The following DNM3 variants were observed in gnomAD, a reference collection of about 807,000 sequenced individuals.
The protein encoded by DNM3 is dynamin-3.
Under a neutral mutation model 101.6 loss-of-function variants are expected in DNM3, and 47 were observed. The ratio of observed to expected loss-of-function variants is 0.46; its 90% CI spans 0.37 to 0.59. The LOEUF (loss-of-function observed/expected upper bound fraction) is 0.59. Among genes scored for constraint, DNM3 ranks in the 20% least tolerant of loss-of-function variants. The probability of loss-of-function intolerance (pLI) is 0.00; values close to 1 mark genes in which losing one functional copy is unlikely to be tolerated. For synonymous variants in DNM3, 385 were observed against 387.9 expected (o/e 0.99, Z 0.09); for missense variants, 849 against 1,085.7 (o/e 0.78, Z 3.06).
intron 4 of DNM3, among the ~76,000 whole-genome samples, chr1:172,006,671 A>G (rs976391835): frequency 2.6e-5 from 4 of 152,000 alleles, no homozygotes; most frequent in Admixed American, 6.6e-5. Context: ...CCTTGAGGCT[A>G]CCTGAGACAG....
intron 12 of DNM3, among the ~76,000 whole-genome samples, chr1:172,090,244 A>G (rs908140422): frequency 6.6e-6 from 1 of 152,218 alleles, no homozygotes; most frequent in Non-Finnish European, 1.5e-5. Context: ...AGGTGTCATG[A>G]TCTCATTATA....
chr1:172,245,081 G>C (rs1301942212), intron 14 of DNM3, among the ~76,000 whole-genome samples: 1 of 152,124 alleles, frequency 6.6e-6, no homozygotes, highest in Non-Finnish European at 1.5e-5. Flanking sequence ...GGAGGGGGCT[G>C]TTCATATGTT....
intron 4 of DNM3, among the ~76,000 whole-genome samples, chr1:172,018,249 T>C (rs1380271631): frequency 1.3e-5 from 2 of 152,174 alleles, no homozygotes; most frequent in African/African-American, 4.8e-5. Context: ...TTACTACTTC[T>C]ATTTGTTGCC....
intron 2 of DNM3, among the ~76,000 whole-genome samples, chr1:171,938,278 G>A (rs1433232540): frequency 6.6e-6 from 1 of 150,762 alleles, no homozygotes; most frequent in Admixed American, 6.6e-5. Flanking sequence ...TTTTTTGTTT[G>A]TTACATAACC....
chr1:172,351,393 A>G (rs762274383), intron 17 of DNM3, among the ~76,000 whole-genome samples: 7 of 152,290 alleles, frequency 4.6e-5, no homozygotes, highest in Admixed American at 2.0e-4. Flanking sequence ...AATATAATAA[A>G]TACTAGGATT....
intron 4 of DNM3, among the ~76,000 whole-genome samples, chr1:172,023,639 T>G: frequency 6.6e-6 from 1 of 152,142 alleles, no homozygotes; most frequent in African/African-American, 2.4e-5. Flanking sequence ...CCATTTTGTG[T>G]GTATGTGCAT....
At chr1:172,314,503 C>T (rs900315682) in intron 16 of DNM3, among the ~76,000 whole-genome samples, 3 of 152,160 alleles carry the variant, frequency 2.0e-5, no homozygotes, top group South Asian at 2.1e-4. Context: ...GGGTGACAGA[C>T]GGCACCTGGA....
At chr1:171,963,273 A>G (rs994863639) in intron 2 of DNM3, among the ~76,000 whole-genome samples, 6 of 152,204 alleles carry the variant, frequency 3.9e-5, no homozygotes, top group African/African-American at 1.4e-4. Flanking sequence ...AAAGGTATCA[A>G]TCTGAAAAAG....
In DNM3 at chr1:172,408,286, TGCTACTACCTACTCCA is replaced by T; in HGVS notation, c.*446_*461del. Reference sequence around the variant, plus strand: ...CAGTAATTCTGTTGTCTACCATTAATGCTACTACCTACTCCATAATTGCCTATTTAGCTCCTCTTTT... The same window carrying T: ...CAGTAATTCTGTTGTCTACCATTAATTAATTGCCTATTTAGCTCCTCTTTT... On this transcript the variant is annotated 3_prime_UTR_variant, in exon 21 of 21. Transcript: ENST00000627582. 1.0e-6 allele frequency: 1 copy of T among 988,188 alleles called. No homozygotes were observed. Among genetic ancestry groups the T allele is most frequent in the South Asian group, 4.7e-5 (1 of 21,468 alleles). 61.2% of individuals were successfully genotyped at this position (988,188 alleles called of 1,614,324 possible).
At chr1:171,866,897 T>A (rs1407383967) in intron 1 of DNM3, among the ~76,000 whole-genome samples, 1 of 152,232 alleles carries the variant, frequency 6.6e-6, no homozygotes, top group Non-Finnish European at 1.5e-5. Context: ...TGTGCTGAGA[T>A]GACATAGATC....
intron 2 of DNM3, among the ~76,000 whole-genome samples, chr1:171,963,736 GAT>G (rs1481577476): frequency 3.4e-5 from 5 of 148,956 alleles, no homozygotes; most frequent in African/African-American, 1.2e-4. Context: ...TCTCTATATA[GAT>G]ATTATATATA....
intron 18 of DNM3, among the ~76,000 whole-genome samples, chr1:172,382,904 G>T (rs1159600536): frequency 6.6e-6 from 1 of 152,106 alleles, no homozygotes; most frequent in Non-Finnish European, 1.5e-5. Flanking sequence ...CCCTCTGGAG[G>T]TCCACATTTA....
intron 2 of DNM3, among the ~76,000 whole-genome samples, chr1:171,945,164 C>T (rs2042094832): frequency 6.6e-6 from 1 of 151,994 alleles, no homozygotes; most frequent in Admixed American, 6.6e-5. Flanking sequence ...GCTACTGTGC[C>T]TGGCCTATAT....
intron 14 of DNM3, chr1:172,139,084 T>C (rs764958398): frequency 8.5e-6 from 3 of 353,490 alleles, no homozygotes; most frequent in Non-Finnish European, 1.7e-5. Flanking sequence ...AGTACATTTA[T>C]ACATTTGTTC....
At chr1:172,149,147 A>G (rs1178630838) in intron 14 of DNM3, among the ~76,000 whole-genome samples, 1 of 152,142 alleles carries the variant, frequency 6.6e-6, no homozygotes, top group Non-Finnish European at 1.5e-5. Flanking sequence ...TTACGGACGC[A>G]TGTTTTGTTT....
intron 15 of DNM3, among the ~76,000 whole-genome samples, chr1:172,265,251 T>TA (rs112817468): frequency 0.37 from 54,053 of 147,618 alleles, 11,184 homozygotes; most frequent in African/African-American, 0.59. Context: ...TAACATCCTT[T>TA]AAAAAAAAAA....
In DNM3 at chr1:172,412,444, T is replaced by C. The variant is rs2071264289; in HGVS notation, c.*4603T>C. 1.0e-6 allele frequency: 1 copy of C among 985,720 alleles called. No individual in the cohort carries two copies. The highest frequency in any genetic ancestry group is 6.2e-5 in the Admixed American group (1 of 16,258). The allele number at this position is 985,720 out of a possible 1,614,324, so 61.1% of individuals were successfully genotyped here. ...CTTGTCTATTTTTACTTTCCCTTTT[T>C]TGGGTCAAATTTTTCTTTTGCTTTG... On this transcript the variant is annotated 3_prime_UTR_variant, in exon 21 of 21. Transcript: ENST00000627582.
At chr1:171,890,304 G>C (rs1027716852) in intron 1 of DNM3, among the ~76,000 whole-genome samples, 2 of 152,078 alleles carry the variant, frequency 1.3e-5, no homozygotes, top group Admixed American at 1.3e-4. Flanking sequence ...TTGTTTGGAA[G>C]TACTCATTCT....
intron 15 of DNM3, among the ~76,000 whole-genome samples, chr1:172,267,128 G>T (rs1349021303): frequency 6.6e-6 from 1 of 152,188 alleles, no homozygotes; most frequent in East Asian, 1.9e-4. Flanking sequence ...ACAATGATAA[G>T]TTAAATAATT....
Sources: allele counts gnomAD v4.1 joint callset (sites outside exome capture counted in the v4.1 genomes callset), GRCh38; gene constraint gnomAD v4.1.1; transcripts MANE v1.5; gene names NCBI Gene and HGNC (gene_info 2026-07-23, HGNC 2026-07-21).